Variants in IL2 observed in about 807,000 individuals in gnomAD.
IL2 encodes the protein interleukin 2, also known as interleukin-2.
Under a neutral mutation model 14.6 loss-of-function variants are expected in IL2, and 3 were observed. The observed-to-expected ratio is 0.21, with a 90% CI of 0.09 to 0.53. The LOEUF is 0.53. Among genes scored for constraint, IL2 ranks in the 20% least tolerant of loss-of-function variants. The pLI is 0.95. For missense variants in IL2, 125 were observed against 170.8 expected (o/e 0.73, Z 1.50); for synonymous variants, 71 against 60.0 (o/e 1.18, Z -0.85).
At chr4:122,455,632 C>T (rs1043877576) in intron 2 of IL2, among the ~76,000 whole-genome samples, 1 of 151,818 alleles carries the variant, frequency 6.6e-6, no homozygotes, top group African/African-American at 2.4e-5. Flanking sequence ...GAATCACAAA[C>T]AGAGTAGGTA....
At position 122,453,852 on chromosome 4, in the gene IL2, G is replaced by A. The variant is rs767872192; in HGVS notation, c.209C>T (p.Ala70Val). 2 of 1,602,284 alleles carry A rather than the reference G, an allele frequency of 1.2e-6. No individual in the cohort carries two copies. Among genetic ancestry groups the A allele is most frequent in the South Asian group, 1.1e-5 (1 of 88,618 alleles). Residue 70 changes from alanine to valine, a missense_variant and splice_region_variant, in exon 3 of 4, where the codon GCC (alanine) becomes GTC (valine). Transcript: ENST00000226730. ...LTFKFYMPKK[A>V]TELKHLQCLE... ...ACACTGAAGATGTTTCAGTTCTGTG[G>A]CCTAGAATAATAATTATCATCAGCT...
rs1291017981 is a variant in IL2 at position 122,456,315 on chromosome 4, C to G, written c.126G>C (p.Gln42His). 1 of 1,610,516 alleles carries G rather than the reference C, an allele frequency of 6.2e-7. No homozygotes were observed. The highest frequency in any genetic ancestry group is 8.5e-7 in the Non-Finnish European group (1 of 1,177,442). Reference sequence around the variant, plus strand: ...TTACATTAATTCCATTCAAAATCATCTGTAAATCCAGCAGTAAATGCTCCA... The same window carrying G: ...TTACATTAATTCCATTCAAAATCATGTGTAAATCCAGCAGTAAATGCTCCA... Reference protein sequence around the residue: ...LQLEHLLLDLQMILNGINNYK... With the variant: ...LQLEHLLLDLHMILNGINNYK... Residue 42 changes from glutamine to histidine, a missense_variant, in exon 1 of 4, where the codon CAG becomes CAC. By Grantham distance (24) the Gln-to-His change is conservative (BLOSUM62 0). Coordinates refer to ENST00000226730, the MANE Select transcript of IL2 (RefSeq NM_000586.4).
At position 122,451,621 on chromosome 4, in the gene IL2, T is replaced by C. The variant is rs1354244475; in HGVS notation, c.*131A>G. 2.0e-5 allele frequency: 8 copies of C among 394,318 alleles called. No individual in the cohort carries two copies. In the Admixed American group the frequency reaches 2.2e-4, roughly 11 times the overall value. 24.4% of individuals were successfully genotyped at this position (394,318 alleles called of 1,614,324 possible). On this transcript the variant is annotated 3_prime_UTR_variant, in exon 4 of 4. Coordinates refer to ENST00000226730, the MANE Select transcript of IL2 (RefSeq NM_000586.4). The stretch of plus-strand genomic sequence containing the variant: ...TACAAAAAGAATCATAAAAGATCCA[T>C]ATTTATAGTTTTAAGATTAAGAATA...
intron 2 of IL2, among the ~76,000 whole-genome samples, chr4:122,454,532 A>C (rs1797711054): frequency 6.6e-6 from 1 of 151,750 alleles, no homozygotes; most frequent in Non-Finnish European, 1.5e-5. Flanking sequence ...TTTCTATGGT[A>C]TATTACAATT....
At chr4:122,453,180 T>G (rs1437032829) in intron 3 of IL2, among the ~76,000 whole-genome samples, 1 of 151,932 alleles carries the variant, frequency 6.6e-6, no homozygotes, top group African/African-American at 2.4e-5. Context: ...TTAAAAATAC[T>G]TAAGATTCTG....
intron 3 of IL2, among the ~76,000 whole-genome samples, 193 bp downstream of exon 3, chr4:122,453,517 A>G (rs1052392909): frequency 3.9e-5 from 6 of 151,924 alleles, no homozygotes; most frequent in African/African-American, 1.4e-4. Flanking sequence ...GTGCAAACTC[A>G]GTAGCTTATA....
At chr4:122,452,536 C>T (rs943568461) in intron 3 of IL2, among the ~76,000 whole-genome samples, 1 of 151,898 alleles carries the variant, frequency 6.6e-6, no homozygotes, top group Admixed American at 6.6e-5. Context: ...GGCTTCTCTG[C>T]TGAAAGGAGC....
intron 2 of IL2, among the ~76,000 whole-genome samples, chr4:122,454,836 A>G (rs940752235): frequency 1.1e-4 from 16 of 151,852 alleles, no homozygotes; most frequent in African/African-American, 3.1e-4. Context: ...TTAGATTTCC[A>G]TGAATTCTAC....
intron 2 of IL2, among the ~76,000 whole-genome samples, chr4:122,454,077 C>T (rs1004419654): frequency 6.6e-6 from 1 of 151,838 alleles, no homozygotes; most frequent in Admixed American, 6.6e-5. Flanking sequence ...CTGGTTTTAG[C>T]TTAATTTGGC....
Position 122,456,689 on chromosome 4 carries a change from T to A in IL2, c.-249A>T, listed in dbSNP as rs1262485139. The A allele has an allele frequency of 2.9e-6, 1 of 350,608 alleles. No individual in the cohort carries two copies. The highest frequency in any genetic ancestry group is 4.3e-5 in the East Asian group (1 of 23,394). The allele number at this position is 350,608 out of a possible 1,614,324, so 21.7% of individuals were successfully genotyped here. A position where few individuals can be genotyped will look rare whatever the true frequency, so the allele number is the denominator to read the frequency against. ...ACTGACTGAATGGATGTAGGTGAAATCCCTCTTTGTTACATTAGCCCACAC... is the reference window on the plus strand; with the variant it reads ...ACTGACTGAATGGATGTAGGTGAAAACCCTCTTTGTTACATTAGCCCACAC... On this transcript the variant is annotated 5_prime_UTR_variant, in exon 1 of 4. Coordinates refer to ENST00000226730, the MANE Select transcript of IL2 (RefSeq NM_000586.4).
chr4:122,453,606 G>A, intron 3 of IL2, 104 bp downstream of exon 3: 1 of 886,382 alleles, frequency 1.1e-6, no homozygotes, highest in Non-Finnish European at 1.7e-6. Flanking sequence ...ACATGCATGG[G>A]TACTTTACAA....
intron 2 of IL2, among the ~76,000 whole-genome samples, chr4:122,455,232 A>G (rs114919185): frequency 6.6e-6 from 1 of 151,750 alleles, no homozygotes; most frequent in Non-Finnish European, 1.5e-5. Context: ...TCACCCTGGC[A>G]CAAGCTCTTT....
chr4:122,453,849 G>A lies in IL2; in HGVS notation c.212C>T (p.Thr71Ile), dbSNP rs774269792. The change falls in exon 3 of 4, where the codon ACA (threonine) becomes ATA (isoleucine). Residue 71 changes from threonine to isoleucine, a missense_variant. Thr to Ile is a moderately conservative substitution (Grantham distance 89). Transcript: ENST00000226730. ...TAGACACTGAAGATGTTTCAGTTCT[G>A]TGGCCTAGAATAATAATTATCATCA... Reference protein sequence around the residue: ...TFKFYMPKKATELKHLQCLEE... With the variant: ...TFKFYMPKKAIELKHLQCLEE... The A allele has an allele frequency of 1.8e-5, 29 of 1,606,028 alleles. No homozygotes were observed. The highest frequency in any genetic ancestry group is 2.5e-5 in the Non-Finnish European group (29 of 1,176,566).
At chr4:122,453,349 G>A (rs1307835750) in intron 3 of IL2, among the ~76,000 whole-genome samples, 1 of 151,628 alleles carries the variant, frequency 6.6e-6, no homozygotes, top group African/African-American at 2.4e-5. Context: ...ATCAGTATTG[G>A]CTATTCCAGT....
intron 2 of IL2, among the ~76,000 whole-genome samples, chr4:122,454,502 A>ATT (rs1560620588): frequency 6.6e-6 from 1 of 151,720 alleles, no homozygotes; most frequent in Non-Finnish European, 1.5e-5. Flanking sequence ...TTGATTCTAT[A>ATT]TTATATATAA....
At chr4:122,454,660 A>G (rs1317357112) in intron 2 of IL2, among the ~76,000 whole-genome samples, 2 of 151,980 alleles carry the variant, frequency 1.3e-5, no homozygotes, top group East Asian at 3.9e-4. Flanking sequence ...ATTTGACCAC[A>G]TAAGTAGGTA....
At chr4:122,453,912 T>C in intron 2 of IL2, 59 bp from the exon 3 acceptor site, 2 of 1,451,236 alleles carry the variant, frequency 1.4e-6, no homozygotes, top group Non-Finnish European at 1.9e-6. Flanking sequence ...GAAATTAATT[T>C]CCAATTTATT....
At chr4:122,454,105 T>G (rs2150633391) in intron 2 of IL2, among the ~76,000 whole-genome samples, 1 of 152,032 alleles carries the variant, frequency 6.6e-6, no homozygotes, top group Middle Eastern at 3.4e-3. Context: ...AATGTTAGAC[T>G]TTCTGCATCT....
At chr4:122,456,050 C>T in intron 2 of IL2, 94 bp downstream of exon 2, 1 of 862,632 alleles carries the variant, frequency 1.2e-6, no homozygotes, top group Non-Finnish European at 1.9e-6. Flanking sequence ...TACTCTTTAC[C>T]TCAGATGAGC....
Sources: allele counts gnomAD v4.1 joint callset (sites outside exome capture counted in the v4.1 genomes callset), GRCh38; gene constraint gnomAD v4.1.1; transcripts MANE v1.5; gene names NCBI Gene and HGNC (gene_info 2026-07-23, HGNC 2026-07-21).